SPAG16: variants seen among roughly 807,000 people sequenced by gnomAD.
SPAG16 encodes the protein sperm associated antigen 16.
In SPAG16, 86 loss-of-function variants were observed where a neutral mutation model predicts 80.4. The observed-to-expected ratio is 1.07, with a 90% confidence interval of 0.90 to 1.28. The LOEUF (loss-of-function observed/expected upper bound fraction) is 1.28. Ranked by LOEUF, SPAG16 falls within the 50% of genes most tolerant of loss-of-function variation. The probability of loss-of-function intolerance (pLI) is 0.00; values close to 1 mark genes in which losing one functional copy is unlikely to be tolerated. For synonymous variants in SPAG16, 294 were observed against 265.9 expected, an observed-to-expected ratio of 1.11 and a Z score of -1.03; for missense variants, 870 against 765.3, an observed-to-expected ratio of 1.14 and a Z score of -1.61.
intron 15 of SPAG16, among the ~76,000 whole-genome samples, chr2:214,389,893 C>T (rs567760325): frequency 4.9e-4 from 75 of 152,180 alleles, no homozygotes; most frequent in African/African-American, 1.4e-3. Flanking sequence ...TAGTCTGGAC[C>T]GAGGCAGAAC....
intron 10 of SPAG16, among the ~76,000 whole-genome samples, chr2:213,709,466 C>T (rs1238197355): frequency 5.3e-5 from 8 of 152,148 alleles, no homozygotes; most frequent in African/African-American, 1.7e-4. Flanking sequence ...AGCTATAATT[C>T]AGTTAATCAA....
At chr2:213,289,216 C>G (rs1202174282) in intron 1 of SPAG16, among the ~76,000 whole-genome samples, 1 of 152,188 alleles carries the variant, frequency 6.6e-6, no homozygotes, top group Non-Finnish European at 1.5e-5. Context: ...AGATAAATAT[C>G]TTAATCTCTA....
At chr2:213,777,244 T>TA (rs1424122909) in intron 10 of SPAG16, among the ~76,000 whole-genome samples, 2 of 134,326 alleles carry the variant, frequency 1.5e-5, no homozygotes, top group African/African-American at 5.6e-5. Context: ...GGAATTTTTT[T>TA]TTTTTTTTTT....
intron 15 of SPAG16, among the ~76,000 whole-genome samples, chr2:214,343,433 C>T (rs745359473): frequency 6.6e-6 from 1 of 151,868 alleles, no homozygotes; most frequent in Non-Finnish European, 1.5e-5. Context: ...TTATTTTAAA[C>T]TGGATTGTAT....
chr2:214,032,953 C>G (rs965837231), intron 13 of SPAG16, among the ~76,000 whole-genome samples: 1 of 152,082 alleles, frequency 6.6e-6, no homozygotes, highest in African/African-American at 2.4e-5. Flanking sequence ...AAAGACACGA[C>G]TTGTTTAGAA....
intron 10 of SPAG16, among the ~76,000 whole-genome samples, chr2:213,771,972 T>TC (rs1559456025): frequency 1.3e-5 from 2 of 152,202 alleles, no homozygotes; most frequent in African/African-American, 4.8e-5. Context: ...GTATTTTTTT[T>TC]CTAATTCTGT....
intron 13 of SPAG16, among the ~76,000 whole-genome samples, chr2:214,088,258 G>T (rs1409185873): frequency 6.6e-6 from 1 of 151,744 alleles, no homozygotes; most frequent in East Asian, 1.9e-4. Flanking sequence ...TAAACAAAGA[G>T]CCATCACCGA....
chr2:214,273,509 T>C (rs1179845618), intron 15 of SPAG16, among the ~76,000 whole-genome samples: 1 of 152,234 alleles, frequency 6.6e-6, no homozygotes, highest in Non-Finnish European at 1.5e-5. Context: ...TTTATACATA[T>C]GACTAGCCAG....
intron 10 of SPAG16, among the ~76,000 whole-genome samples, chr2:213,837,066 C>T (rs114986804): frequency 0.032 from 4,902 of 152,120 alleles, 145 homozygotes; most frequent in Non-Finnish European, 0.042. Flanking sequence ...ATTTTAATTC[C>T]GCCTGCTCTT....
chr2:214,374,016 A>C (rs1249725434), intron 15 of SPAG16, among the ~76,000 whole-genome samples: 2 of 152,194 alleles, frequency 1.3e-5, no homozygotes, highest in African/African-American at 2.4e-5. Context: ...AGCTAGAAAA[A>C]TTAGAATATA....
chr2:213,890,817 T>C (rs2076757859), intron 11 of SPAG16, among the ~76,000 whole-genome samples: 1 of 151,978 alleles, frequency 6.6e-6, no homozygotes, highest in South Asian at 2.1e-4. Context: ...CTCATCTATC[T>C]TTTCATTAGT....
chr2:213,573,974 G>A (rs535337994), intron 10 of SPAG16, among the ~76,000 whole-genome samples: 1 of 152,220 alleles, frequency 6.6e-6, no homozygotes, highest in Non-Finnish European at 1.5e-5. Context: ...AAGGAGGTAA[G>A]GTCTGAGATT....
At chr2:214,224,107 A>C (rs1210353507) in intron 15 of SPAG16, among the ~76,000 whole-genome samples, 1 of 152,170 alleles carries the variant, frequency 6.6e-6, no homozygotes, top group Non-Finnish European at 1.5e-5. Flanking sequence ...AAGGGCCTTG[A>C]AAGTTAAGCC....
At chr2:213,685,573 A>T (rs1265923919) in intron 10 of SPAG16, among the ~76,000 whole-genome samples, 1 of 152,210 alleles carries the variant, frequency 6.6e-6, no homozygotes, top group Non-Finnish European at 1.5e-5. Flanking sequence ...CAGCCCTAGG[A>T]ATGTAATACA....
intron 14 of SPAG16, among the ~76,000 whole-genome samples, chr2:214,144,723 C>A (rs1224992351): frequency 1.3e-5 from 2 of 151,902 alleles, no homozygotes; most frequent in Non-Finnish European, 2.9e-5. Context: ...ATGTCCTGGG[C>A]CTAAAATGCT....
intron 15 of SPAG16, among the ~76,000 whole-genome samples, chr2:214,312,169 C>A (rs966844771): frequency 6.6e-6 from 1 of 152,118 alleles, no homozygotes; most frequent in Non-Finnish European, 1.5e-5. Flanking sequence ...TGAATCATAT[C>A]TTTTAACAGT....
chr2:213,933,466 A>T (rs2078858051), intron 12 of SPAG16, among the ~76,000 whole-genome samples: 1 of 152,188 alleles, frequency 6.6e-6, no homozygotes, highest in Non-Finnish European at 1.5e-5. Flanking sequence ...CTTCCAAGGT[A>T]GCTGGGTATT....
At chr2:214,178,139 T>A (rs1395188901) in intron 15 of SPAG16, among the ~76,000 whole-genome samples, 3 of 148,716 alleles carry the variant, frequency 2.0e-5, no homozygotes, top group African/African-American at 7.4e-5. Context: ...CAAATTAGCT[T>A]ATTTTTAAAA....
chr2:213,901,829 T>C (rs2077233579), intron 11 of SPAG16, among the ~76,000 whole-genome samples: 1 of 152,028 alleles, frequency 6.6e-6, no homozygotes, highest in Non-Finnish European at 1.5e-5. Context: ...AGGGCCAAGG[T>C]TGAGTGTAAA....
Sources: gnomAD v4.1 joint callset for allele counts (sites outside exome capture counted in the v4.1 genomes callset) on GRCh38, gnomAD v4.1.1 for gene constraint, MANE v1.5 for transcripts, NCBI Gene and HGNC (gene_info 2026-07-23, HGNC 2026-07-21) for gene names.